The following HCN1 variants were observed in gnomAD, a reference collection of about 807,000 sequenced individuals.
The protein encoded by HCN1 is hyperpolarization activated cyclic nucleotide gated potassium channel 1, also known as potassium/sodium hyperpolarization-activated cyclic nucleotide-gated channel 1.
In HCN1, 13 loss-of-function variants were observed where a neutral mutation model predicts 78.9. The observed-to-expected ratio is 0.16, with a 90% confidence interval of 0.11 to 0.26. HCN1 has a LOEUF of 0.26. HCN1 is among the 10% of genes least tolerant of loss of function. The probability of loss-of-function intolerance (pLI) is 1.00; values close to 1 mark genes in which losing one functional copy is unlikely to be tolerated. For synonymous variants in HCN1, 552 were observed against 455.5 expected (o/e 1.21, Z -2.70); for missense variants, 810 against 1,154.3 (o/e 0.70, Z 4.32).
rs1384245533 is a variant in HCN1 at position 45,343,986 on chromosome 5, T to C, written c.1377+9114A>G. On this transcript the variant is annotated intron_variant, in intron 5 of 7. Transcript: ENST00000303230. ...GGTGTATTAGTATATTATAATGCTG[T>C]TAATAAAGACATAACTGAGACCGAG... Among the ~76,000 whole-genome samples, 6 of 152,130 alleles carry C rather than the reference T, an allele frequency of 3.9e-5. No individual in the cohort carries two copies. The East Asian group carries it at 1.2e-3, about 29-fold the overall frequency.
intron 3 of HCN1, among the ~76,000 whole-genome samples, chr5:45,423,218 T>C (rs917104050): frequency 4.6e-5 from 7 of 152,166 alleles, no homozygotes; most frequent in Admixed American, 4.6e-4. Context: ...TACTTATTGT[T>C]ACCTTCTAGC....
intron 1 of HCN1, among the ~76,000 whole-genome samples, chr5:45,652,553 C>G (rs531735059): frequency 6.6e-6 from 1 of 151,848 alleles, no homozygotes; most frequent in African/African-American, 2.4e-5. Context: ...GTCCTCAAAT[C>G]GATCACTAGC....
intron 2 of HCN1, among the ~76,000 whole-genome samples, chr5:45,565,225 A>G (rs917997229): frequency 3.3e-5 from 5 of 152,134 alleles, no homozygotes; most frequent in African/African-American, 1.2e-4. Flanking sequence ...GAATGATATT[A>G]AATTAACTAT....
intron 4 of HCN1, among the ~76,000 whole-genome samples, chr5:45,366,932 G>A (rs1747250391): frequency 6.6e-6 from 1 of 151,688 alleles, no homozygotes; most frequent in Non-Finnish European, 1.5e-5. Context: ...TAATGAAGAA[G>A]AATACATAAA....
intron 4 of HCN1, among the ~76,000 whole-genome samples, chr5:45,356,841 T>G (rs915123818): frequency 3.3e-5 from 5 of 152,054 alleles, no homozygotes; most frequent in African/African-American, 1.2e-4. Context: ...TAATTGGAAC[T>G]TCCAAACTCA....
intron 1 of HCN1, among the ~76,000 whole-genome samples, chr5:45,687,439 C>T (rs1739830620): frequency 6.6e-6 from 1 of 151,870 alleles, no homozygotes; most frequent in Non-Finnish European, 1.5e-5. Flanking sequence ...CTTATATTTC[C>T]TATTCCCTTT....
intron 4 of HCN1, among the ~76,000 whole-genome samples, chr5:45,374,913 G>C (rs1399815788): frequency 2.1e-5 from 3 of 143,676 alleles, no homozygotes; most frequent in Non-Finnish European, 4.5e-5. Flanking sequence ...GAGAGAGAGA[G>C]AACTATACTA....
intron 3 of HCN1, among the ~76,000 whole-genome samples, chr5:45,417,753 A>G (rs1377742359): frequency 7.1e-6 from 1 of 140,890 alleles, no homozygotes; most frequent in Non-Finnish European, 1.5e-5. Context: ...TAGAGAGACA[A>G]AAAAAAAAAA....
At chr5:45,446,222 C>T (rs1014963803) in intron 3 of HCN1, among the ~76,000 whole-genome samples, 20 of 152,016 alleles carry the variant, frequency 1.3e-4, no homozygotes, top group African/African-American at 3.6e-4. Context: ...AGCCAAGGCT[C>T]GAGAACTATG....
intron 3 of HCN1, among the ~76,000 whole-genome samples, chr5:45,414,658 A>C (rs1472882839): frequency 6.6e-6 from 1 of 152,076 alleles, no homozygotes; most frequent in African/African-American, 2.4e-5. Flanking sequence ...CTAAATAGTT[A>C]TCAGGCTAGC....
In HCN1 at chr5:45,348,263, G is replaced by A. The variant is rs185409145; in HGVS notation, c.1377+4837C>T. On this transcript the variant is annotated intron_variant, in intron 5 of 7. Transcript: ENST00000303230. ...AACCCAGAATTTCATATCCAGCCAA[G>A]CTAAGCTTCATAAGTGAAGGAGAAA... Among the ~76,000 whole-genome samples, 987 of 152,124 alleles carry A rather than the reference G, an allele frequency of 6.5e-3. 7 individuals are homozygous for A. Among genetic ancestry groups the A allele is most frequent in the African/African-American group, 0.022 (917 of 41,518 alleles).
intron 2 of HCN1, among the ~76,000 whole-genome samples, chr5:45,626,399 C>T (rs1363111225): frequency 3.3e-5 from 5 of 152,116 alleles, no homozygotes; most frequent in African/African-American, 1.2e-4. Context: ...CACCATGTGG[C>T]AGGTAATATC....
Position 45,262,370 on chromosome 5 carries a change from G to C in HCN1, c.2224C>G (p.Gln742Glu). The stretch of plus-strand genomic sequence containing the variant: ...TGCTGTGGCTGAGTCTGCGGCGGCT[G>C]GGACTGCTGTACCTGCTGCTGCGGC... The part of the protein sequence containing the change: ...QQPQQQVQQS[Q>E]PPQTQPQQPS... The change falls in exon 8 of 8, where the codon CAG (glutamine) becomes GAG (glutamate). Residue 742 changes from glutamine to glutamate, a missense_variant. This residue lies in a region of HCN1 where 398 missense variants were observed against 381.3 expected (regional missense o/e 1.04). Coordinates refer to ENST00000303230, the MANE Select transcript of HCN1 (RefSeq NM_021072.4). The C allele has an allele frequency of 6.2e-7, 1 of 1,612,250 alleles. No individual in the cohort carries two copies. Among genetic ancestry groups the C allele is most frequent in the Non-Finnish European group, 8.5e-7 (1 of 1,179,616 alleles).
intron 2 of HCN1, among the ~76,000 whole-genome samples, chr5:45,564,119 A>C (rs920766976): frequency 6.6e-6 from 1 of 152,198 alleles, no homozygotes; most frequent in East Asian, 1.9e-4. Context: ...ATGAAAACTT[A>C]AAACACTGAG....
intron 2 of HCN1, among the ~76,000 whole-genome samples, chr5:45,572,858 C>A (rs1743862569): frequency 6.6e-6 from 1 of 151,930 alleles, no homozygotes; most frequent in Non-Finnish European, 1.5e-5. Flanking sequence ...AAAATAAGTT[C>A]AATATATTAA....
chr5:45,374,097 TAA>T lies in HCN1; in HGVS notation c.1231-20853_1231-20852del, dbSNP rs1304535184. 7.1e-3 allele frequency among the ~76,000 whole-genome samples: 666 copies of T among 93,692 alleles called. 3 individuals are homozygous for T. The highest frequency in any genetic ancestry group is 0.011 in the Non-Finnish European group (533 of 50,026). The allele number at this position is 93,692 out of a possible 152,430, so 61.5% of individuals were successfully genotyped here. On this transcript the variant is annotated intron_variant, in intron 4 of 7. Transcript: ENST00000303230. ...ATAATATCTATTACATATATGTATA[TAA>T]TATATATTATATACATAATATATAT... is the stretch of plus-strand genomic sequence containing the variant.
At chr5:45,421,047 TTC>T (rs986016426) in intron 3 of HCN1, among the ~76,000 whole-genome samples, 2 of 152,082 alleles carry the variant, frequency 1.3e-5, no homozygotes, top group African/African-American at 4.8e-5. Flanking sequence ...CTTTCCTTCC[TTC>T]TCTCTTTCTC....
At chr5:45,310,077 A>G (rs1355031787) in intron 5 of HCN1, among the ~76,000 whole-genome samples, 1 of 152,066 alleles carries the variant, frequency 6.6e-6, no homozygotes, top group Non-Finnish European at 1.5e-5. Flanking sequence ...CCTGGAAGAT[A>G]ACCAATACCA....
intron 6 of HCN1, among the ~76,000 whole-genome samples, chr5:45,289,612 C>A (rs1285429668): frequency 6.6e-6 from 1 of 152,034 alleles, no homozygotes; most frequent in East Asian, 1.9e-4. Context: ...AGGGCAAGAG[C>A]ATCTTACTCA....
Sources: allele counts gnomAD v4.1 joint callset (sites outside exome capture counted in the v4.1 genomes callset), GRCh38; gene constraint gnomAD v4.1.1; regional missense constraint gnomAD v4.1.1; transcripts MANE v1.5; gene names NCBI Gene and HGNC (gene_info 2026-07-23, HGNC 2026-07-21).